Variants in MYO3B observed in about 807,000 individuals in gnomAD.
MYO3B encodes myosin IIIB.
MYO3B carries 156 observed loss-of-function variants against 174.6 expected under a neutral mutation model. That is an observed-to-expected ratio of 0.89 (90% CI 0.78 to 1.02). MYO3B has a LOEUF of 1.02. Ranked by LOEUF, MYO3B falls within the 50% of genes least tolerant of loss-of-function variation. MYO3B has a pLI of 0.00. For missense variants in MYO3B, 1,632 were observed against 1,639.4 expected, an observed-to-expected ratio of 1.00 and a Z score of 0.08; for synonymous variants, 563 against 569.1, an observed-to-expected ratio of 0.99 and a Z score of 0.15.
chr2:170,283,962 C>A (rs2093534241), intron 7 of MYO3B, among the ~76,000 whole-genome samples: 1 of 152,318 alleles, frequency 6.6e-6, no homozygotes, highest in East Asian at 1.9e-4. Context: ...TCTCAGTTTT[C>A]CAAGAATCCC....
In MYO3B at chr2:170,383,751, C is replaced by T. The variant is rs769818548; in HGVS notation, c.1227C>T (p.Pro409=). ...LYHGVKRASN[P]PHIFASADAA... ...ATGGGGTGAAACGCGCCTCCAATCC[C>T]CCCCACATATTTGCATCAGCAGATG... The change falls in exon 12 of 35, where the codon CCC becomes CCT. Residue 409 remains proline, a synonymous_variant. Coordinates refer to ENST00000408978, the MANE Select transcript of MYO3B (RefSeq NM_138995.5). 6 of 1,613,796 alleles carry T rather than the reference C, an allele frequency of 3.7e-6. No individual in the cohort carries two copies. The highest frequency in any genetic ancestry group is 1.7e-4 in the Middle Eastern group (1 of 6,058).
intron 7 of MYO3B, among the ~76,000 whole-genome samples, chr2:170,317,115 G>A (rs930902227): frequency 6.6e-6 from 1 of 152,174 alleles, no homozygotes; most frequent in African/African-American, 2.4e-5. Flanking sequence ...TAGCAGGGAA[G>A]TTTCCCTAAT....
intron 1 of MYO3B, 133 bp from the exon 2 acceptor site, chr2:170,199,075 T>C (rs958945733): frequency 1.1e-5 from 7 of 613,948 alleles, no homozygotes; most frequent in African/African-American, 1.1e-4. Context: ...TCAAAAAATT[T>C]ATTTACAATA....
In MYO3B at chr2:170,551,348, A is replaced by AT. The variant is rs5836286; in HGVS notation, c.3733+7360_3733+7361insT. Among the ~76,000 whole-genome samples, 441 of 143,752 alleles carry AT rather than the reference A, an allele frequency of 3.1e-3. 8 individuals carry two copies. The highest frequency in any genetic ancestry group is 7.4e-3 in the African/African-American group (292 of 39,230). 94.3% of individuals were successfully genotyped at this position (143,752 alleles called of 152,430 possible). A position where few individuals can be genotyped will look rare whatever the true frequency, so the allele number is the denominator to read the frequency against. ...ATATATATTTAATTTAATTTAATTT[A>AT]ATTATTTATTTATTTATTTATTTAT... On this transcript the variant is annotated intron_variant, in intron 32 of 34. Transcript: ENST00000408978.
chr2:170,286,807 T>G (rs1193970642), intron 7 of MYO3B, among the ~76,000 whole-genome samples: 5 of 152,130 alleles, frequency 3.3e-5, no homozygotes, highest in African/African-American at 1.2e-4. Flanking sequence ...TGTATCATCT[T>G]TACCATTTTT....
At position 170,298,767 on chromosome 2, in the gene MYO3B, C is replaced by G. The variant is rs1233940742; in HGVS notation, c.750-36618C>G. Among the ~76,000 whole-genome samples the G allele has an allele frequency of 2.6e-5, 4 of 151,326 alleles. No individual in the cohort carries two copies. The East Asian group carries it at 7.8e-4, about 30-fold the overall frequency. Reference sequence around the variant, plus strand: ...GGAGTTTTGGAGAGGCTGCACTGGGCTCTATTTAGGATTTATATCTGTAAT... The same window carrying G: ...GGAGTTTTGGAGAGGCTGCACTGGGGTCTATTTAGGATTTATATCTGTAAT... On this transcript the variant is annotated intron_variant, in intron 7 of 34. Coordinates refer to ENST00000408978, the MANE Select transcript of MYO3B (RefSeq NM_138995.5).
At chr2:170,564,668 C>T (rs1189974564) in intron 32 of MYO3B, among the ~76,000 whole-genome samples, 3 of 151,372 alleles carry the variant, frequency 2.0e-5, no homozygotes, top group Non-Finnish European at 4.4e-5. Flanking sequence ...GTATTGAGAG[C>T]ATTGAAAAAA....
At chr2:170,477,611 T>G (rs1470534384) in intron 25 of MYO3B, among the ~76,000 whole-genome samples, 1 of 151,834 alleles carries the variant, frequency 6.6e-6, no homozygotes, top group African/African-American at 2.4e-5. Context: ...TCTCAACCTC[T>G]GTGTTATTGA....
At chr2:170,547,370 G>A (rs539661521) in intron 32 of MYO3B, among the ~76,000 whole-genome samples, 1 of 151,714 alleles carries the variant, frequency 6.6e-6, no homozygotes, top group Non-Finnish European at 1.5e-5. Flanking sequence ...TGGCCCATGT[G>A]GTCCGGCTTA....
chr2:170,275,806 C>T (rs997115364), intron 7 of MYO3B, among the ~76,000 whole-genome samples: 3 of 151,900 alleles, frequency 2.0e-5, no homozygotes, highest in African/African-American at 4.8e-5. Flanking sequence ...TAAAGGAATA[C>T]ATTTTTACCT....
At chr2:170,612,974 C>T (rs574295203) in intron 32 of MYO3B, among the ~76,000 whole-genome samples, 160 of 152,250 alleles carry the variant, frequency 1.1e-3, no homozygotes, top group African/African-American at 3.3e-3. Context: ...GGGAGGCCTA[C>T]GCGGAGCACT....
At chr2:170,324,542 G>A (rs1424646104) in intron 7 of MYO3B, among the ~76,000 whole-genome samples, 1 of 152,208 alleles carries the variant, frequency 6.6e-6, no homozygotes, top group East Asian at 1.9e-4. Flanking sequence ...GTTGCCTATT[G>A]CAAGCCCCAA....
rs557353378 is a variant in MYO3B at position 170,416,431 on chromosome 2, G to C, written c.2650+8587G>C. The stretch of plus-strand genomic sequence containing the variant: ...CCCAGCTACTTGGGAGGCTGAGGTA[G>C]GAGAATCACTTGAACCTCAGAGTGG... On this transcript the variant is annotated intron_variant, in intron 22 of 34. Coordinates refer to ENST00000408978, the MANE Select transcript of MYO3B (RefSeq NM_138995.5). 5.4e-5 allele frequency among the ~76,000 whole-genome samples: 8 copies of C among 147,692 alleles called. No homozygotes were observed. In the South Asian group the frequency reaches 1.9e-3, roughly 35 times the overall value.
In MYO3B at chr2:170,198,893, C is replaced by T. The variant is rs552718473; in HGVS notation, c.3-315C>T. 1.5e-4 allele frequency among the ~76,000 whole-genome samples: 23 copies of T among 152,242 alleles called. No individual in the cohort carries two copies. The South Asian group carries it at 1.9e-3, about 12-fold the overall frequency. The stretch of plus-strand genomic sequence containing the variant: ...CAGCAGCCACCATTCAGCAGCCTAT[C>T]AAGACAACTGTCCAATCATGACCAG... On this transcript the variant is annotated intron_variant, in intron 1 of 34. Transcript: ENST00000408978.
chr2:170,532,154 T>C (rs896509400), intron 30 of MYO3B, among the ~76,000 whole-genome samples: 57 of 152,236 alleles, frequency 3.7e-4, no homozygotes, highest in Non-Finnish European at 2.9e-5. Context: ...ATCACTTTTG[T>C]GGATTTCTTG....
intron 7 of MYO3B, among the ~76,000 whole-genome samples, chr2:170,316,513 A>C (rs182742245): frequency 6.6e-6 from 1 of 152,336 alleles, no homozygotes; most frequent in Non-Finnish European, 1.5e-5. Context: ...TTAGAAGATC[A>C]TATTACTGTT....
rs1053804979 is a variant in MYO3B, at chr2:170,331,079, AG to A, written c.750-4304del. Among the ~76,000 whole-genome samples the A allele has an allele frequency of 2.6e-4, 40 of 152,298 alleles. 1 individual carries two copies. Among genetic ancestry groups the A allele is most frequent in the African/African-American group, 9.6e-4 (40 of 41,562 alleles). ...AATTAGGGAGAGTATTCTAAACTGG[AG>A]GTACATCATGTGCAAAGGCCCTGAG... On this transcript the variant is annotated intron_variant, in intron 7 of 34. Coordinates refer to ENST00000408978, the MANE Select transcript of MYO3B (RefSeq NM_138995.5).
chr2:170,292,669 C>T (rs773259971), intron 7 of MYO3B, among the ~76,000 whole-genome samples: 6 of 152,150 alleles, frequency 3.9e-5, no homozygotes, highest in Non-Finnish European at 7.3e-5. Context: ...TGAGCCCTGC[C>T]TGTTTCAAAT....
At chr2:170,366,116 C>T (rs577086467) in intron 8 of MYO3B, among the ~76,000 whole-genome samples, 11 of 152,032 alleles carry the variant, frequency 7.2e-5, no homozygotes, top group Admixed American at 2.6e-4. Context: ...CTGCATCATC[C>T]CTGTATGTAA....
Sources: gnomAD v4.1 joint callset for allele counts (sites outside exome capture counted in the v4.1 genomes callset) on GRCh38, gnomAD v4.1.1 for gene constraint, MANE v1.5 for transcripts, NCBI Gene and HGNC (gene_info 2026-07-23, HGNC 2026-07-21) for gene names.